The following LYST variants were observed in gnomAD, a reference collection of about 807,000 sequenced individuals.
LYST encodes lysosomal trafficking regulator, also known as lysosomal-trafficking regulator.
In LYST, 192 loss-of-function variants were observed where a neutral mutation model predicts 413.6. That is an observed-to-expected ratio of 0.46 (90% CI 0.41 to 0.52). LYST has a LOEUF of 0.52. LYST is among the 20% of genes least tolerant of loss of function. LYST has a pLI of 0.00. For missense variants in LYST, 3,815 were observed against 4,499.9 expected (o/e 0.85, Z 4.35); for synonymous variants, 1,525 against 1,567.3 (o/e 0.97, Z 0.64).
intron 3 of LYST, among the ~76,000 whole-genome samples, chr1:235,818,026 A>G (rs368198151): frequency 5.3e-5 from 8 of 152,296 alleles, no homozygotes; most frequent in East Asian, 3.9e-4. Flanking sequence ...CACACATGTC[A>G]ATTTTGCAAT....
At chr1:235,697,578 T>A (rs1441334831) in intron 45 of LYST, among the ~76,000 whole-genome samples, 2 of 152,218 alleles carry the variant, frequency 1.3e-5, no homozygotes, top group Admixed American at 6.5e-5. Context: ...CTAGTTGAAA[T>A]ACCTAAACTA....
Position 235,664,454 on chromosome 1 carries a change from A to G in LYST, c.11195+11T>C, listed in dbSNP as rs374451356. ...ATGAAATCAAAAAAAGAGAATCCAA[A>G]TTCCTCTTACCTTACAATTCCATTT... On this transcript the variant is annotated intron_variant, in intron 51 of 52. Coordinates refer to ENST00000389793, the MANE Select transcript of LYST (RefSeq NM_000081.4). The surrounding 1 kb of genome is among the most constrained non-coding windows in gnomAD (Gnocchi z 4.5). 3 of 1,612,692 alleles carry G rather than the reference A, an allele frequency of 1.9e-6. No homozygotes were observed. In the African/African-American group the frequency reaches 4.0e-5, roughly 22 times the overall value.
rs1197532688 is a variant in LYST, at chr1:235,751,342, G to A, written c.7648C>T (p.Leu2550Phe). The change falls in exon 28 of 53, where the codon CTT (leucine) becomes TTT (phenylalanine). Residue 2550 changes from leucine to phenylalanine, a missense_variant. Transcript: ENST00000389793. ...RTQNMAVALQ[L>F]RVLQAAMEFI... is the part of the protein sequence containing the mutation. ...TCCATAGCAGCCTGGAGAACTCTAA[G>A]CTGTAGTGCAACAGCCATATCTAAA... 6.2e-7 allele frequency: 1 copy of A among 1,613,660 alleles called. No individual in the cohort carries two copies. The highest frequency in any genetic ancestry group is 1.7e-5 in the Admixed American group (1 of 59,986).
chr1:235,774,027 T>A, intron 18 of LYST, 36 bp from the exon 19 acceptor site: 2 of 1,431,738 alleles, frequency 1.4e-6, no homozygotes, highest in Non-Finnish European at 2.0e-6. Context: ...GATGCATTAG[T>A]AATTGGTTAA....
chr1:235,783,507 G>A (rs1047101994), intron 14 of LYST, among the ~76,000 whole-genome samples: 1 of 152,138 alleles, frequency 6.6e-6, no homozygotes, highest in Non-Finnish European at 1.5e-5. Context: ...GGGAGGAAGA[G>A]TATCAGGACA....
At chr1:235,828,079 T>C (rs1383917261) in intron 3 of LYST, 1 of 747,682 alleles carries the variant, frequency 1.3e-6, no homozygotes, top group Non-Finnish European at 1.6e-6. Context: ...AGATACTACT[T>C]CATATTCTTT....
chr1:235,730,420 A>G (rs545416692), intron 36 of LYST, among the ~76,000 whole-genome samples: 4 of 152,186 alleles, frequency 2.6e-5, no homozygotes, highest in African/African-American at 7.2e-5. Context: ...TCACTACGTT[A>G]TATTGCTGCT....
chr1:235,743,983 G>C lies in LYST; in HGVS notation c.8147C>G (p.Ser2716Cys). Residue 2716 changes from serine (S) to cysteine (C), a missense_variant, in exon 30 of 53, where the codon TCT (serine) becomes TGT (cysteine). Ser to Cys is a moderately radical substitution (Grantham distance 112). Around this residue, in one of 4 missense-constraint regions of LYST, gnomAD observed 771 missense variants for 837.1 expected, o/e 0.92. Transcript: ENST00000389793. ...CCATGTAATTAATTTACTTACAATA[G>C]ATACTTTGAATCCTTCTACCAGATA... ...FTYLVEGFKV[S>C]IGSSKASGSK... 1 of 1,411,650 alleles carries C rather than the reference G, an allele frequency of 7.1e-7. No homozygotes were observed. 87.4% of individuals were successfully genotyped at this position (1,411,650 alleles called of 1,614,324 possible).
At chr1:235,842,125 G>A (rs1377752960) in intron 1 of LYST, among the ~76,000 whole-genome samples, 2 of 152,086 alleles carry the variant, frequency 1.3e-5, no homozygotes, top group African/African-American at 4.8e-5. Flanking sequence ...GTTTTGGTGG[G>A]TGGAGGCAGC....
chr1:235,720,628 T>C (rs751039302), intron 40 of LYST, 33 bp downstream of exon 40: 1 of 1,608,002 alleles, frequency 6.2e-7, no homozygotes, highest in Admixed American at 1.7e-5. Context: ...TATGGATGGA[T>C]GAACCCTAAA....
At chr1:235,797,637 T>G (rs1210284435) in intron 10 of LYST, among the ~76,000 whole-genome samples, 3 of 152,130 alleles carry the variant, frequency 2.0e-5, no homozygotes, top group African/African-American at 7.2e-5. Context: ...TAACTCAAAA[T>G]GAATTCAGGA....
At position 235,810,082 on chromosome 1, in the gene LYST, C is replaced by G. The variant is rs142845103; in HGVS notation, c.736G>C (p.Val246Leu). 3.6e-5 allele frequency: 58 copies of G among 1,613,892 alleles called. No individual in the cohort carries two copies. The highest frequency in any genetic ancestry group is 4.5e-5 in the Non-Finnish European group (53 of 1,179,920). Residue 246 changes from valine (V) to leucine (L), a missense_variant, in exon 5 of 53, where the codon GTT becomes CTT. This residue lies in a region of LYST where 1,648 missense variants were observed against 1,810.3 expected (regional missense o/e 0.91). Coordinates refer to ENST00000389793, the MANE Select transcript of LYST (RefSeq NM_000081.4). ...GGAGAATTGTTCATGTTACTGATAA[C>G]AGACAAGGCAGCTGGCTCACTTAAA... ...DILSEPAALS[V>L]ISNMNNSPFD...
chr1:235,706,754 C>T (rs1662021751), intron 44 of LYST, among the ~76,000 whole-genome samples: 1 of 152,078 alleles, frequency 6.6e-6, no homozygotes, highest in Non-Finnish European at 1.5e-5. Context: ...TAGCATTTAT[C>T]TTCTATTAGA....
chr1:235,798,578 T>TAAAAAAAAATAAAAAAAAAAAA (rs1671826756), intron 10 of LYST, among the ~76,000 whole-genome samples: 1 of 81,714 alleles, frequency 1.2e-5, no homozygotes, highest in Non-Finnish European at 2.4e-5. Context: ...AACCCTGTCA[T>TAAAAAAAAATAAAAAAAAAAAA]AAAAAAAAAA....
rs1272937629 is a variant in LYST, at chr1:235,854,932, C to A, written c.-98+11911G>T. On this transcript the variant is annotated intron_variant, in intron 1 of 52. Transcript: ENST00000389793. This position sits in a 1 kb window ranked among gnomAD's most constrained non-coding sequence, Gnocchi z 4.1. ...TGGAATGACAAATGTCACTCCAATTCATAGGGAAGAAGATCCCAACTGCTT... is the reference window on the plus strand; with the variant it reads ...TGGAATGACAAATGTCACTCCAATTAATAGGGAAGAAGATCCCAACTGCTT... Among the ~76,000 whole-genome samples, 1 of 152,172 alleles carries A rather than the reference C, an allele frequency of 6.6e-6. No homozygotes were observed. The highest frequency in any genetic ancestry group is 1.5e-5 in the Non-Finnish European group (1 of 68,032).
chr1:235,667,242 T>C (rs1319673087), intron 50 of LYST, among the ~76,000 whole-genome samples: 2 of 152,176 alleles, frequency 1.3e-5, no homozygotes, highest in Non-Finnish European at 2.9e-5. Context: ...ACCACCCCAC[T>C]GTGAATCTTA....
At position 235,753,109 on chromosome 1, in the gene LYST, C is replaced by T. The variant is rs148611185; in HGVS notation, c.7395G>A (p.Leu2465=). Reference sequence around the variant, plus strand: ...ACACATAGAGTAGACCATTATCCAGCAACATATCTGCTACCTTAGAACAAG... The same window carrying T: ...ACACATAGAGTAGACCATTATCCAGTAACATATCTGCTACCTTAGAACAAG... The part of the protein sequence containing the change: ...LNSCSKVADM[L]LDNGLLYVLC... The change falls in exon 26 of 53, where the codon TTG becomes TTA. Residue 2465 remains leucine, a synonymous_variant. Coordinates refer to ENST00000389793, the MANE Select transcript of LYST (RefSeq NM_000081.4). The T allele has an allele frequency of 7.3e-5, 117 of 1,609,210 alleles. No individual in the cohort carries two copies. In the African/African-American group the frequency reaches 1.4e-3, roughly 19 times the overall value.
chr1:235,720,321 T>G (rs1292928402), intron 40 of LYST, among the ~76,000 whole-genome samples: 3 of 151,880 alleles, frequency 2.0e-5, no homozygotes, highest in Non-Finnish European at 4.4e-5. Flanking sequence ...GGAAATGGAC[T>G]AGATATTAGA....
At chr1:235,748,757 C>T (rs1054152442) in intron 28 of LYST, among the ~76,000 whole-genome samples, 1 of 152,136 alleles carries the variant, frequency 6.6e-6, no homozygotes, top group African/African-American at 2.4e-5. Context: ...TCTAGCAATG[C>T]AAGAACTTAA....
Sources: gnomAD v4.1 joint callset for allele counts (sites outside exome capture counted in the v4.1 genomes callset) on GRCh38, gnomAD v4.1.1 for gene constraint, gnomAD v4.1.1 regional missense constraint, Gnocchi (gnomAD v3.1) non-coding constraint, MANE v1.5 for transcripts, NCBI Gene and HGNC (gene_info 2026-07-23, HGNC 2026-07-21) for gene names.